CORO2B: variants seen among roughly 807,000 people sequenced by gnomAD.
CORO2B encodes coronin-2B.
In CORO2B, 26 loss-of-function variants were observed where a neutral mutation model predicts 58.8. That is an observed-to-expected ratio of 0.44 (90% confidence interval 0.32 to 0.61). The LOEUF is 0.61. Ranked by LOEUF, CORO2B falls within the 20% of genes least tolerant of loss-of-function variation. The pLI is 0.04. For synonymous variants in CORO2B, 242 were observed against 253.8 expected, an observed-to-expected ratio of 0.95 and a Z score of 0.44; for missense variants, 460 against 645.1, an observed-to-expected ratio of 0.71 and a Z score of 3.11.
intron 1 of CORO2B, among the ~76,000 whole-genome samples, chr15:68,610,929 C>G (rs1199333441): frequency 6.6e-6 from 1 of 152,170 alleles, no homozygotes; most frequent in African/African-American, 2.4e-5. Flanking sequence ...CATTCCACAC[C>G]CTCGACGCAG....
At chr15:68,687,164 A>G (rs1053961803) in intron 2 of CORO2B, among the ~76,000 whole-genome samples, 13 of 152,314 alleles carry the variant, frequency 8.5e-5, no homozygotes, top group African/African-American at 3.1e-4. Context: ...CAGCAAGGGT[A>G]TCAGACCAGG....
the CORO2B span, among the ~76,000 whole-genome samples, chr15:68,543,355 T>C: frequency 6.6e-6 from 1 of 152,100 alleles, no homozygotes; most frequent in African/African-American, 2.4e-5. Context: ...TGCCTCTCTC[T>C]CCTGGACCAA....
intron 11 of CORO2B, among the ~76,000 whole-genome samples, chr15:68,725,632 A>T (rs1300827455): frequency 6.6e-6 from 1 of 151,968 alleles, no homozygotes; most frequent in East Asian, 1.9e-4. Context: ...TTTGTTTCCT[A>T]CCTCACAAGG....
intron 1 of CORO2B, among the ~76,000 whole-genome samples, chr15:68,642,035 C>CTTAGCCTCTT (rs1901262308): frequency 8.6e-6 from 1 of 115,978 alleles, no homozygotes; most frequent in Non-Finnish European, 1.7e-5. Flanking sequence ...GGCCTAGCCT[C>CTTAGCCTCTT]TTTTTTTTTT....
At position 68,598,411 on chromosome 15, in the gene CORO2B, G is replaced by A. The variant is rs372169271; in HGVS notation, c.15+19134G>A. Among the ~76,000 whole-genome samples, 11 of 152,328 alleles carry A rather than the reference G, an allele frequency of 7.2e-5. No homozygotes were observed. The South Asian group carries it at 2.3e-3, about 32-fold the overall frequency. On this transcript the variant is annotated intron_variant, in intron 1 of 11. Coordinates refer to ENST00000261861, the MANE Select transcript of CORO2B (RefSeq NM_006091.5). The stretch of plus-strand genomic sequence containing the variant: ...TGTCTCTGCTTCTCTATTTTGCGTG[G>A]TCAGTGATTTTTACTAATAGTAACC...
intron 1 of CORO2B, among the ~76,000 whole-genome samples, chr15:68,579,739 A>G (rs985557049): frequency 1.8e-4 from 27 of 152,182 alleles, no homozygotes; most frequent in Non-Finnish European, 4.0e-4. Flanking sequence ...TCTGCCGCCC[A>G]TGCCGGGAGC....
chr15:68,532,703 AG>A, the CORO2B span, among the ~76,000 whole-genome samples: 1 of 152,194 alleles, frequency 6.6e-6, no homozygotes, highest in East Asian at 1.9e-4. Flanking sequence ...ATTAAACTTT[AG>A]CTTAATTGTG....
chr15:68,713,314 AG>A (rs946680784), intron 5 of CORO2B, among the ~76,000 whole-genome samples: 1 of 152,182 alleles, frequency 6.6e-6, no homozygotes, highest in African/African-American at 2.4e-5. Flanking sequence ...GAAGTGGTGT[AG>A]CCCCCAACTG....
intron 2 of CORO2B, among the ~76,000 whole-genome samples, chr15:68,663,190 T>C (rs1394425972): frequency 3.3e-5 from 5 of 152,242 alleles, no homozygotes; most frequent in African/African-American, 1.2e-4. Context: ...TGTAATTATA[T>C]ATCTTGGAGA....
chr15:68,707,398 A>G (rs948098271), intron 3 of CORO2B, among the ~76,000 whole-genome samples: 1 of 152,236 alleles, frequency 6.6e-6, no homozygotes, highest in African/African-American at 2.4e-5. Flanking sequence ...TCCTACAAGA[A>G]TATCCACACC....
chr15:68,644,467 G>T (rs572748706), intron 1 of CORO2B, among the ~76,000 whole-genome samples: 6 of 152,322 alleles, frequency 3.9e-5, no homozygotes, highest in Middle Eastern at 3.4e-3. Flanking sequence ...TTGCTCCAAA[G>T]GGTAATCTGG....
the CORO2B span, among the ~76,000 whole-genome samples, chr15:68,531,560 GAAAGAGAAAGAAAGA>G: frequency 2.7e-4 from 36 of 131,784 alleles, no homozygotes; most frequent in Admixed American, 1.0e-3. Context: ...AGGAAGGAAA[GAAAGAGAAAGAAAGA>G]GAAAGAAAGA....
chr15:68,552,477 T>TGGGGGGGGTTGG, the CORO2B span, among the ~76,000 whole-genome samples: 1 of 124,916 alleles, frequency 8.0e-6, no homozygotes, highest in African/African-American at 3.0e-5. Flanking sequence ...CGCGGGGGGG[T>TGGGGGGGGTTGG]GGGGGGGGCA....
chr15:68,520,079 C>T, the CORO2B span, among the ~76,000 whole-genome samples: 2 of 152,070 alleles, frequency 1.3e-5, no homozygotes, highest in Non-Finnish European at 2.9e-5. Context: ...TAGTAATTTT[C>T]TTGTTATTCT....
At chr15:68,526,346 T>G in the CORO2B span, among the ~76,000 whole-genome samples, 3 of 152,208 alleles carry the variant, frequency 2.0e-5, no homozygotes, top group South Asian at 2.1e-4. Context: ...ATTTCTAAAA[T>G]TTTCTGAAGG....
chr15:68,699,264 A>T (rs1892585423), intron 3 of CORO2B, among the ~76,000 whole-genome samples: 1 of 152,132 alleles, frequency 6.6e-6, no homozygotes, highest in Non-Finnish European at 1.5e-5. Context: ...CCAACTTTGC[A>T]GCGAGACTTG....
At chr15:68,637,676 C>T (rs929433083) in intron 1 of CORO2B, among the ~76,000 whole-genome samples, 2 of 152,154 alleles carry the variant, frequency 1.3e-5, no homozygotes, top group African/African-American at 2.4e-5. Context: ...CCAGGAGAGG[C>T]TCTGCCACAT....
the CORO2B span, among the ~76,000 whole-genome samples, chr15:68,520,907 G>A: frequency 1.8e-3 from 270 of 152,258 alleles, no homozygotes; most frequent in Non-Finnish European, 2.7e-3. Flanking sequence ...AAATTAGCCA[G>A]CCATGATGGC....
At chr15:68,704,044 ACACACACACAC>A (rs1892724984) in intron 3 of CORO2B, among the ~76,000 whole-genome samples, 1 of 54,032 alleles carries the variant, frequency 1.9e-5, no homozygotes, top group African/African-American at 1.2e-4. Flanking sequence ...ACACATACAC[ACACACACACAC>A]ACACACACAC....
Sources: allele counts gnomAD v4.1 joint callset (sites outside exome capture counted in the v4.1 genomes callset), GRCh38; gene constraint gnomAD v4.1.1; transcripts MANE v1.5; gene names NCBI Gene and HGNC (gene_info 2026-07-23, HGNC 2026-07-21).